CNPY1: variants seen among roughly 807,000 people sequenced by gnomAD.
The protein encoded by CNPY1 is protein canopy homolog 1.
A neutral mutation model predicts 14.4 loss-of-function variants in CNPY1; 14 were observed. The observed-to-expected ratio is 0.97, with a 90% CI of 0.64 to 1.52. The LOEUF is 1.52. Among genes scored for constraint, CNPY1 ranks in the 40% most tolerant of loss-of-function variants. The probability of loss-of-function intolerance (pLI) is 0.00; values close to 1 mark genes in which losing one functional copy is unlikely to be tolerated. For synonymous variants in CNPY1, 43 were observed against 46.5 expected, an observed-to-expected ratio of 0.92 and a Z score of 0.31; for missense variants, 129 against 131.5, an observed-to-expected ratio of 0.98 and a Z score of 0.09.
rs559643457 is a variant in CNPY1, at chr7:155,545,933, C to T, written c.-4G>A. 2.5e-5 allele frequency: 10 copies of T among 398,652 alleles called. No homozygotes were observed. The highest frequency in any genetic ancestry group is 1.3e-4 in the South Asian group (1 of 7,860). The allele number at this position is 398,652 out of a possible 1,614,324, so 24.7% of individuals were successfully genotyped here. A position where few individuals can be genotyped will look rare whatever the true frequency, so the allele number is the denominator to read the frequency against. ...TGTCGTGCTCTATCTCGTCCATCAG[C>T]GCCCTGCACGCTAAACAAGACACAA... On this transcript the variant is annotated 5_prime_UTR_variant, in exon 2 of 5. Coordinates refer to ENST00000636446, the MANE Select transcript of CNPY1 (RefSeq NM_001393663.1).
rs76710042 is a variant in CNPY1 at position 155,539,710 on chromosome 7, T to C, written c.99+6121A>G. Among the ~76,000 whole-genome samples, 842 of 152,184 alleles carry C rather than the reference T, an allele frequency of 5.5e-3. 11 individuals carry two copies. Among genetic ancestry groups the C allele is most frequent in the African/African-American group, 0.019 (803 of 41,496 alleles). On this transcript the variant is annotated intron_variant, in intron 2 of 4. Transcript: ENST00000636446. ...CGGGGGGAAAAAAGCAGACAAACAT[T>C]CATGTGTGTTAGCATGGGAGCCATA... is the stretch of plus-strand genomic sequence containing the variant.
chr7:155,515,362 CAA>C (rs1796601841), intron 2 of CNPY1, among the ~76,000 whole-genome samples: 2 of 133,658 alleles, frequency 1.5e-5, no homozygotes. Context: ...GTGATTAGAA[CAA>C]GAGGCTCTTC....
intron 4 of CNPY1, among the ~76,000 whole-genome samples, 155 bp from the exon 5 acceptor site, chr7:155,503,260 C>T (rs1194386520): frequency 6.6e-6 from 1 of 152,000 alleles, no homozygotes; most frequent in Non-Finnish European, 1.5e-5. Flanking sequence ...AGAAATTACC[C>T]AAAAGCAGAA....
intron 2 of CNPY1, among the ~76,000 whole-genome samples, chr7:155,514,467 G>A (rs1188236801): frequency 4.6e-5 from 7 of 152,168 alleles, no homozygotes; most frequent in African/African-American, 7.2e-5. Flanking sequence ...GTGATGATCC[G>A]TTTGGAACCA....
At chr7:155,538,494 C>G (rs2116755065) in intron 2 of CNPY1, among the ~76,000 whole-genome samples, 1 of 152,098 alleles carries the variant, frequency 6.6e-6, no homozygotes, top group Non-Finnish European at 1.5e-5. Flanking sequence ...CCACCCCCCT[C>G]CTGCTAACCC....
intron 2 of CNPY1, among the ~76,000 whole-genome samples, chr7:155,526,180 T>A (rs1215963961): frequency 1.3e-5 from 2 of 152,206 alleles, no homozygotes; most frequent in African/African-American, 4.8e-5. Flanking sequence ...TTTCCACAAA[T>A]TCATCTTTGT....
At chr7:155,546,186 A>G (rs2116765145) in intron 1 of CNPY1, among the ~76,000 whole-genome samples, 1 of 131,762 alleles carries the variant, frequency 7.6e-6, no homozygotes, top group African/African-American at 2.6e-5. Flanking sequence ...TTACATTTAA[A>G]ATGTGCTTTT....
At position 155,502,990 on chromosome 7, in the gene CNPY1, C is replaced by CAACATGCA; in HGVS notation, c.*70_*77dup. On this transcript the variant is annotated 3_prime_UTR_variant, in exon 5 of 5. Coordinates refer to ENST00000636446, the MANE Select transcript of CNPY1 (RefSeq NM_001393663.1). Reference sequence around the variant, plus strand: ...ACAAAATTTTTCTTATCATGAAAGACAACATGCAAACATAAAATGCAGACA... The same window carrying CAACATGCA: ...ACAAAATTTTTCTTATCATGAAAGACAACATGCAAACATGCAAACATAAAATGCAGACA... 7.6e-7 allele frequency: 1 copy of CAACATGCA among 1,314,684 alleles called. No individual in the cohort carries two copies. The highest frequency in any genetic ancestry group is 1.1e-6 in the Non-Finnish European group (1 of 934,222). 81.4% of individuals were successfully genotyped at this position (1,314,684 alleles called of 1,614,324 possible).
intron 2 of CNPY1, among the ~76,000 whole-genome samples, chr7:155,535,650 A>C (rs12673130): frequency 0.55 from 83,134 of 152,062 alleles, 24,163 homozygotes; most frequent in East Asian, 0.72. Context: ...GCCTGATTTA[A>C]TCCTAGAAGG....
At chr7:155,521,793 G>A (rs929702222) in intron 2 of CNPY1, among the ~76,000 whole-genome samples, 18 of 152,318 alleles carry the variant, frequency 1.2e-4, no homozygotes, top group African/African-American at 4.3e-4. Flanking sequence ...GTGGTGGCAG[G>A]GGCCTGGCAC....
At chr7:155,520,883 T>C (rs1796707639) in intron 2 of CNPY1, among the ~76,000 whole-genome samples, 1 of 152,070 alleles carries the variant, frequency 6.6e-6, no homozygotes, top group Admixed American at 6.5e-5. Flanking sequence ...TCCCAGCACT[T>C]TGGGAGGCCG....
In CNPY1 at chr7:155,509,061, G is replaced by C. The variant is rs759329164; in HGVS notation, c.136C>G (p.Leu46Val). The part of the protein sequence containing the change: ...LAQSEAFLTD[L>V]LEKVCERMND... ...ATTCGCTCACAGACTTTCTCCAAAA[G>C]ATCCGTTAGGAACGCCTCCGACTGA... Residue 46 changes from leucine to valine, a missense_variant, in exon 3 of 5, where the codon CTT becomes GTT. Coordinates refer to ENST00000636446, the MANE Select transcript of CNPY1 (RefSeq NM_001393663.1). The C allele has an allele frequency of 6.2e-7, 1 of 1,605,728 alleles. No homozygotes were observed. Among genetic ancestry groups the C allele is most frequent in the Non-Finnish European group, 8.5e-7 (1 of 1,177,652 alleles).
intron 2 of CNPY1, among the ~76,000 whole-genome samples, chr7:155,545,007 C>T (rs1797142150): frequency 2.0e-5 from 3 of 152,186 alleles, no homozygotes; most frequent in Admixed American, 2.0e-4. Flanking sequence ...TCCTTTCCTG[C>T]CCTGTCCTCT....
chr7:155,533,369 T>C (rs1434029332), intron 2 of CNPY1, among the ~76,000 whole-genome samples: 1 of 152,180 alleles, frequency 6.6e-6, no homozygotes, highest in Non-Finnish European at 1.5e-5. Flanking sequence ...CAAAACGAGC[T>C]TGTGCCTCAT....
At chr7:155,533,187 G>T (rs1046061272) in intron 2 of CNPY1, among the ~76,000 whole-genome samples, 1 of 152,152 alleles carries the variant, frequency 6.6e-6, no homozygotes, top group Non-Finnish European at 1.5e-5. Context: ...CTCCCAAACG[G>T]CGCGGCCTCG....
chr7:155,533,733 G>C (rs2098797), intron 2 of CNPY1: 142,013 of 152,298 alleles, frequency 0.93, 66,272 homozygotes, highest in East Asian at 1. Flanking sequence ...CTTACGGAGA[G>C]GAGAAAGATG....
intron 2 of CNPY1, among the ~76,000 whole-genome samples, chr7:155,537,867 TTA>T (rs1372787302): frequency 1.3e-5 from 2 of 152,174 alleles, no homozygotes; most frequent in South Asian, 2.1e-4. Context: ...CTTCAAAACT[TTA>T]TGTTTTAAAT....
chr7:155,520,410 TTC>T (rs1435356496), intron 2 of CNPY1, among the ~76,000 whole-genome samples: 1 of 146,072 alleles, frequency 6.8e-6, no homozygotes, highest in Non-Finnish European at 1.5e-5. Flanking sequence ...CTTTTTCTTT[TTC>T]TTTCTTTCTT....
chr7:155,538,168 C>T (rs912425250), intron 2 of CNPY1, among the ~76,000 whole-genome samples: 2 of 152,186 alleles, frequency 1.3e-5, no homozygotes. Context: ...TCATCTTTCT[C>T]AATTGTTGCT....
Sources: allele counts gnomAD v4.1 joint callset (sites outside exome capture counted in the v4.1 genomes callset), GRCh38; gene constraint gnomAD v4.1.1; transcripts MANE v1.5; gene names NCBI Gene and HGNC (gene_info 2026-07-23, HGNC 2026-07-21).